VAV1: variants seen among roughly 807,000 people sequenced by gnomAD.
VAV1 encodes the protein proto-oncogene vav.
VAV1 carries 33 observed loss-of-function variants against 128.1 expected under a neutral mutation model. The observed-to-expected ratio is 0.26, with a 90% CI of 0.20 to 0.34. The LOEUF (loss-of-function observed/expected upper bound fraction) is 0.34, where lower values mean the gene tolerates loss of function less well. Among genes scored for constraint, VAV1 ranks in the 10% least tolerant of loss-of-function variants. The pLI, the probability that VAV1 is intolerant of heterozygous loss-of-function variation, is 1.00. For missense variants in VAV1, 715 were observed against 1,093.7 expected (o/e 0.65, Z 4.88); for synonymous variants, 394 against 409.8 (o/e 0.96, Z 0.47).
chr19:6,796,573 G>A (rs1971141284), intron 1 of VAV1, among the ~76,000 whole-genome samples: 1 of 152,098 alleles, frequency 6.6e-6, no homozygotes, highest in Non-Finnish European at 1.5e-5. Flanking sequence ...TAACCTCAGG[G>A]CTTCTTGTAC....
At chr19:6,836,940 A>G in intron 20 of VAV1, 45 bp from the exon 21 acceptor site, 1 of 1,594,028 alleles carries the variant, frequency 6.3e-7, no homozygotes, top group Non-Finnish European at 8.6e-7. Flanking sequence ...GGGGTTATGG[A>G]TCCTATAACC....
intron 21 of VAV1, among the ~76,000 whole-genome samples, chr19:6,842,035 G>A (rs991328853): frequency 2.6e-5 from 4 of 151,744 alleles, no homozygotes; most frequent in Non-Finnish European, 5.9e-5. Flanking sequence ...AGACCAGCCC[G>A]ACCAACATGG....
intron 21 of VAV1, among the ~76,000 whole-genome samples, chr19:6,838,179 A>G (rs1972271294): frequency 6.9e-6 from 1 of 144,432 alleles, no homozygotes; most frequent in Non-Finnish European, 1.5e-5. Context: ...CTATTTACCT[A>G]TCATCTATTT....
At chr19:6,833,688 C>T in intron 17 of VAV1, 23 bp from the exon 18 acceptor site, 2 of 1,614,170 alleles carry the variant, frequency 1.2e-6, no homozygotes, top group South Asian at 1.1e-5. Context: ...CCCGTTCTCA[C>T]CATTTCCTTT....
chr19:6,856,524 C>A (rs1221723260), intron 26 of VAV1, among the ~76,000 whole-genome samples: 1 of 151,752 alleles, frequency 6.6e-6, no homozygotes, highest in Non-Finnish European at 1.5e-5. Context: ...GAGTTTGAAA[C>A]CAGCCCGGCC....
At chr19:6,849,683 T>C (rs1972618112) in intron 23 of VAV1, among the ~76,000 whole-genome samples, 1 of 152,140 alleles carries the variant, frequency 6.6e-6, no homozygotes. Context: ...GAACATGTGG[T>C]GTTTGGCTTA....
At chr19:6,790,573 C>T (rs555524705) in intron 1 of VAV1, among the ~76,000 whole-genome samples, 1 of 152,284 alleles carries the variant, frequency 6.6e-6, no homozygotes, top group South Asian at 2.1e-4. Flanking sequence ...TAGATTGGGG[C>T]TTAGCCCTGG....
At chr19:6,803,278 A>G (rs1218037989) in intron 1 of VAV1, among the ~76,000 whole-genome samples, 3 of 152,302 alleles carry the variant, frequency 2.0e-5, no homozygotes, top group South Asian at 2.1e-4. Context: ...CACTTTAATT[A>G]TATGCAAATT....
intron 24 of VAV1, 95 bp from the exon 25 acceptor site, chr19:6,852,870 G>A: frequency 1.1e-6 from 1 of 946,684 alleles, no homozygotes; most frequent in Non-Finnish European, 1.6e-6. Context: ...AACAGGGCCT[G>A]CTTCATGTGA....
intron 1 of VAV1, among the ~76,000 whole-genome samples, chr19:6,791,384 T>TGAGGTCCTTGAGCTAGCTCCTCATCTC (rs1423617929): frequency 2.9e-4 from 44 of 152,134 alleles, no homozygotes; most frequent in Non-Finnish European, 5.6e-4. Flanking sequence ...TTCCTCATCT[T>TGAGGTCCTTGAGCTAGCTCCTCATCTC]GAGGTCCTTG....
At chr19:6,789,542 C>T (rs965700751) in intron 1 of VAV1, among the ~76,000 whole-genome samples, 9 of 150,992 alleles carry the variant, frequency 6.0e-5, no homozygotes, top group African/African-American at 2.2e-4. Context: ...TGAGCCACCG[C>T]ACCCGGCTCT....
At chr19:6,795,624 C>T (rs562666501) in intron 1 of VAV1, among the ~76,000 whole-genome samples, 7 of 152,022 alleles carry the variant, frequency 4.6e-5, no homozygotes, top group East Asian at 3.8e-4. Flanking sequence ...CAGGGTGGCA[C>T]GTCTTAGCTC....
intron 1 of VAV1, among the ~76,000 whole-genome samples, chr19:6,814,346 G>C (rs1971576220): frequency 6.6e-6 from 1 of 152,096 alleles, no homozygotes; most frequent in African/African-American, 2.4e-5. Context: ...TGGCCTCTCT[G>C]AGTCAATCTC....
At position 6,853,910 on chromosome 19, in the gene VAV1, C is replaced by T. The variant is rs776117196; in HGVS notation, c.2333-37C>T. 3.1e-6 allele frequency: 5 copies of T among 1,597,616 alleles called. No individual in the cohort carries two copies. In the South Asian group the frequency reaches 4.4e-5, roughly 14 times the overall value. ...CCCCAGAGAGTGAGTGGGTATCTGCCCCAGACCCTTTTCTCACTTCTGTTC... is the reference window on the plus strand; with the variant it reads ...CCCCAGAGAGTGAGTGGGTATCTGCTCCAGACCCTTTTCTCACTTCTGTTC... On this transcript the variant is annotated intron_variant, in intron 25 of 26. Transcript: ENST00000602142.
At chr19:6,824,216 T>G (rs1424127159) in intron 6 of VAV1, among the ~76,000 whole-genome samples, 3 of 152,126 alleles carry the variant, frequency 2.0e-5, no homozygotes, top group Non-Finnish European at 2.9e-5. Context: ...GTTGGGATTT[T>G]GGGTGTGAGC....
intron 22 of VAV1, 35 bp downstream of exon 22, chr19:6,843,201 G>A: frequency 1.2e-6 from 2 of 1,613,676 alleles, no homozygotes; most frequent in Middle Eastern, 1.6e-4. Flanking sequence ...TTCAATGAGA[G>A]GTTTCTGGGT....
Position 6,850,756 on chromosome 19 carries a change from C to A in VAV1, c.2216C>A (p.Thr739Lys), listed in dbSNP as rs36097961. The A allele has an allele frequency of 3.1e-6, 5 of 1,613,838 alleles. No individual in the cohort carries two copies. Among genetic ancestry groups the A allele is most frequent in the Non-Finnish European group, 4.2e-6 (5 of 1,179,888 alleles). ...GAGAAAAAGGCTTTCCGGGGGCTTA[C>A]GGTAAGGGTCAATGTCCGCTCAATC... ...ITEKKAFRGL[T>K]ELVEFYQQNS... Residue 739 changes from threonine to lysine, a missense_variant and splice_region_variant, in exon 24 of 27, where the codon ACG becomes AAG. This residue lies in a region of VAV1 where 407 missense variants were observed against 580.6 expected (regional missense o/e 0.70). Transcript: ENST00000602142.
chr19:6,853,859 G>A (rs1599686494), intron 25 of VAV1, 88 bp from the exon 26 acceptor site: 1 of 1,529,374 alleles, frequency 6.5e-7, no homozygotes, highest in Non-Finnish European at 8.8e-7. Flanking sequence ...CCTTTATCCT[G>A]GAGTTACTGT....
intron 22 of VAV1, among the ~76,000 whole-genome samples, chr19:6,847,416 C>T (rs993869376): frequency 3.3e-5 from 5 of 152,066 alleles, no homozygotes; most frequent in Non-Finnish European, 7.4e-5. Flanking sequence ...AGTGTGTGGC[C>T]GTTTGTGCCT....
Sources: gnomAD v4.1 joint callset for allele counts (sites outside exome capture counted in the v4.1 genomes callset) on GRCh38, gnomAD v4.1.1 for gene constraint, gnomAD v4.1.1 regional missense constraint, MANE v1.5 for transcripts, NCBI Gene and HGNC (gene_info 2026-07-23, HGNC 2026-07-21) for gene names.